ATRNL1: variants seen among roughly 807,000 people sequenced by gnomAD.
ATRNL1 encodes the protein attractin-like protein 1.
Under a neutral mutation model 182.7 loss-of-function variants are expected in ATRNL1, and 95 were observed. The ratio of observed to expected loss-of-function variants is 0.52; its 90% CI spans 0.44 to 0.62. The LOEUF (loss-of-function observed/expected upper bound fraction) is 0.62. Ranked by LOEUF, ATRNL1 falls within the 20% of genes least tolerant of loss-of-function variation. The probability of loss-of-function intolerance (pLI) is 0.00; values close to 1 mark genes in which losing one functional copy is unlikely to be tolerated. For synonymous variants in ATRNL1, 576 were observed against 568.3 expected, an observed-to-expected ratio of 1.01 and a Z score of -0.19; for missense variants, 1,471 against 1,679.5, an observed-to-expected ratio of 0.88 and a Z score of 2.17.
Position 115,760,035 on chromosome 10 carries a change from T to C in ATRNL1, c.3903+32680T>C, listed in dbSNP as rs59167221. Among the ~76,000 whole-genome samples the C allele has an allele frequency of 4.4e-3, 675 of 151,714 alleles. 5 individuals carry two copies. Among genetic ancestry groups the C allele is most frequent in the African/African-American group, 0.016 (652 of 41,400 alleles). On this transcript the variant is annotated intron_variant, in intron 27 of 28. Coordinates refer to ENST00000355044, the MANE Select transcript of ATRNL1 (RefSeq NM_207303.4). ...TAATTGTGAACACTTTACATTGATCTGATAAAATTTACAGAAATAAAAATG... is the reference window on the plus strand; with the variant it reads ...TAATTGTGAACACTTTACATTGATCCGATAAAATTTACAGAAATAAAAATG...
chr10:115,266,750 G>A, intron 11 of ATRNL1, 47 bp from the exon 12 acceptor site: 3 of 1,120,718 alleles, frequency 2.7e-6, no homozygotes, highest in Non-Finnish European at 3.9e-6. Flanking sequence ...CAGTAGATAG[G>A]GACTTTTAAT....
At chr10:115,206,567 G>GT (rs145076976) in intron 8 of ATRNL1, among the ~76,000 whole-genome samples, 3,788 of 152,004 alleles carry the variant, frequency 0.025, 157 homozygotes, top group African/African-American at 0.086. Flanking sequence ...TCTAGTGTTT[G>GT]TTTTTAACAG....
intron 1 of ATRNL1, among the ~76,000 whole-genome samples, chr10:115,106,941 G>A (rs903883665): frequency 8.5e-5 from 13 of 152,204 alleles, no homozygotes; most frequent in African/African-American, 3.1e-4. Context: ...CATCTTGTAA[G>A]GGCTTTCTTG....
intron 9 of ATRNL1, among the ~76,000 whole-genome samples, chr10:115,232,248 T>C (rs1849986323): frequency 6.6e-6 from 1 of 152,160 alleles, no homozygotes; most frequent in African/African-American, 2.4e-5. Context: ...CTCAACAATC[T>C]CATTAAGGTT....
chr10:115,615,182 G>T (rs1465622788), intron 26 of ATRNL1, among the ~76,000 whole-genome samples: 11 of 151,878 alleles, frequency 7.2e-5, no homozygotes, highest in South Asian at 2.1e-4. Context: ...TCTCATGAGG[G>T]TATCTGCTAT....
chr10:115,768,353 T>C (rs1948908051), intron 27 of ATRNL1, among the ~76,000 whole-genome samples: 1 of 152,142 alleles, frequency 6.6e-6, no homozygotes, highest in Admixed American at 6.5e-5. Context: ...TTTTTCTTTC[T>C]TGCTTTATGA....
At chr10:115,611,290 C>A (rs558915175) in intron 26 of ATRNL1, among the ~76,000 whole-genome samples, 1 of 152,050 alleles carries the variant, frequency 6.6e-6, no homozygotes, top group Admixed American at 6.5e-5. Flanking sequence ...TTCGGGCTTA[C>A]AAAATATATG....
chr10:115,466,070 A>G (rs550488250), intron 22 of ATRNL1, among the ~76,000 whole-genome samples: 2 of 151,566 alleles, frequency 1.3e-5, no homozygotes, highest in Admixed American at 1.3e-4. Context: ...TTTGCTTTTT[A>G]TGATGTTCCT....
chr10:115,669,102 A>C (rs781998550), intron 26 of ATRNL1, among the ~76,000 whole-genome samples: 1 of 152,076 alleles, frequency 6.6e-6, no homozygotes, highest in Non-Finnish European at 1.5e-5. Context: ...TTCTTTTATA[A>C]TTTATTTTTG....
At chr10:115,137,818 T>C (rs1417595123) in intron 5 of ATRNL1, among the ~76,000 whole-genome samples, 5 of 152,146 alleles carry the variant, frequency 3.3e-5, no homozygotes, top group Admixed American at 3.3e-4. Context: ...TCAAAACCAA[T>C]GATGCCTTCC....
intron 27 of ATRNL1, among the ~76,000 whole-genome samples, chr10:115,800,978 GTCT>G (rs1385219216): frequency 6.6e-6 from 1 of 152,298 alleles, no homozygotes; most frequent in East Asian, 1.9e-4. Flanking sequence ...GAAAATACAG[GTCT>G]TCTTCTCAGG....
Position 115,591,526 on chromosome 10 carries a change from A to G in ATRNL1, c.3795+41990A>G, listed in dbSNP as rs184131293. ...TCCATAAATTTTCTTGGAAATTTCT[A>G]TCTTTATCATACAAGACTTATTTGA... is the stretch of plus-strand genomic sequence containing the variant. On this transcript the variant is annotated intron_variant, in intron 26 of 28. Coordinates refer to ENST00000355044, the MANE Select transcript of ATRNL1 (RefSeq NM_207303.4). 8.5e-5 allele frequency among the ~76,000 whole-genome samples: 13 copies of G among 152,310 alleles called. No individual in the cohort carries two copies. The East Asian group carries it at 2.3e-3, about 27-fold the overall frequency.
At chr10:115,857,865 G>A (rs1406452448) in intron 28 of ATRNL1, among the ~76,000 whole-genome samples, 4 of 152,156 alleles carry the variant, frequency 2.6e-5, no homozygotes, top group Non-Finnish European at 4.4e-5. Flanking sequence ...GCACTGAAAC[G>A]TGACCAACAC....
rs780872820 is a variant in ATRNL1, at chr10:115,173,998, C to T, written c.1348+2706C>T. Reference sequence around the variant, plus strand: ...TTGTTTTTAATTATAGCTCTTCTCACGTTTAGGGCCCTCCTTCCCCTTAAC... The same window carrying T: ...TTGTTTTTAATTATAGCTCTTCTCATGTTTAGGGCCCTCCTTCCCCTTAAC... On this transcript the variant is annotated intron_variant, in intron 8 of 28. Coordinates refer to ENST00000355044, the MANE Select transcript of ATRNL1 (RefSeq NM_207303.4). Among the ~76,000 whole-genome samples the T allele has an allele frequency of 1.1e-4, 16 of 151,446 alleles. No homozygotes were observed. The South Asian group carries it at 1.5e-3, about 14-fold the overall frequency.
At chr10:115,574,691 A>G (rs1854607419) in intron 26 of ATRNL1, among the ~76,000 whole-genome samples, 1 of 152,178 alleles carries the variant, frequency 6.6e-6, no homozygotes, top group Admixed American at 6.5e-5. Context: ...TGCTGATTTC[A>G]GGAGCCCTAG....
chr10:115,725,502 C>G (rs1026699979), intron 26 of ATRNL1, among the ~76,000 whole-genome samples: 3 of 152,124 alleles, frequency 2.0e-5, no homozygotes, highest in Non-Finnish European at 4.4e-5. Context: ...CTAGCAATCA[C>G]TTGTCATATG....
At chr10:115,733,011 A>G (rs552134249) in intron 27 of ATRNL1, among the ~76,000 whole-genome samples, 1 of 152,198 alleles carries the variant, frequency 6.6e-6, no homozygotes, top group Non-Finnish European at 1.5e-5. Context: ...CTAAACTGCA[A>G]TAAACTCAGC....
chr10:115,774,968 G>C (rs1257834662), intron 27 of ATRNL1, among the ~76,000 whole-genome samples: 1 of 151,814 alleles, frequency 6.6e-6, no homozygotes, highest in African/African-American at 2.4e-5. Context: ...TTGTGACGTT[G>C]ACTAATAGTC....
intron 5 of ATRNL1, among the ~76,000 whole-genome samples, chr10:115,144,445 A>G (rs572975820): frequency 9.9e-5 from 15 of 152,106 alleles, no homozygotes; most frequent in Admixed American, 9.2e-4. Flanking sequence ...GGCGTGAGCC[A>G]CTGTGCCCGG....
Sources: allele counts gnomAD v4.1 joint callset (sites outside exome capture counted in the v4.1 genomes callset), GRCh38; gene constraint gnomAD v4.1.1; transcripts MANE v1.5; gene names NCBI Gene and HGNC (gene_info 2026-07-23, HGNC 2026-07-21).